Variants in XPA observed in about 807,000 individuals in gnomAD.
The protein encoded by XPA is XPA, DNA damage recognition and repair factor, also known as DNA repair protein complementing XP-A cells.
A neutral mutation model predicts 35.7 loss-of-function variants in XPA; 27 were observed. The observed-to-expected ratio is 0.76, with a 90% CI of 0.56 to 1.04. The LOEUF (loss-of-function observed/expected upper bound fraction) is 1.04, where lower values mean the gene tolerates loss of function less well. Ranked by LOEUF, XPA falls within the 50% of genes least tolerant of loss-of-function variation. The pLI is 0.00. For synonymous variants in XPA, 133 were observed against 118.4 expected (o/e 1.12, Z -0.80); for missense variants, 354 against 342.7 (o/e 1.03, Z -0.26).
the XPA span, among the ~76,000 whole-genome samples, chr9:97,663,944 C>T: frequency 4.0e-5 from 6 of 151,294 alleles, no homozygotes; most frequent in African/African-American, 9.7e-5. Context: ...TTTGGGAGGC[C>T]GAGATGGATG....
chr9:97,687,468 G>A (rs1207583159), intron 3 of XPA, among the ~76,000 whole-genome samples: 3 of 152,092 alleles, frequency 2.0e-5, no homozygotes, highest in Admixed American at 6.5e-5. Context: ...ATTATCTAGA[G>A]AAAAAAACAT....
the XPA span, chr9:97,666,898 TAAGTAGTTAAAGAAA>T: frequency 2.0e-6 from 3 of 1,475,670 alleles, no homozygotes; most frequent in African/African-American, 4.3e-5. Flanking sequence ...TGTAAACTTG[TAAGTAGTTAAAGAAA>T]ATATACCAGA....
At chr9:97,678,314 T>C (rs1828429926) in intron 5 of XPA, among the ~76,000 whole-genome samples, 1 of 152,078 alleles carries the variant, frequency 6.6e-6, no homozygotes, top group South Asian at 2.1e-4. Context: ...GACAGGAGAA[T>C]CGCATGAACC....
chr9:97,695,493 A>C (rs573177722), intron 1 of XPA, among the ~76,000 whole-genome samples: 23 of 152,350 alleles, frequency 1.5e-4, no homozygotes, highest in Non-Finnish European at 3.1e-4. Context: ...TATAAATAGC[A>C]AAGTAAATGA....
At chr9:97,669,916 C>T (rs1377917788), downstream of XPA, 4 of 585,316 alleles carry the variant, frequency 6.8e-6, no homozygotes, top group African/African-American at 2.1e-5. Flanking sequence ...ACCCCCCCAA[C>T]AACCCCCCGC....
In XPA at chr9:97,684,949, T is replaced by C; in HGVS notation, c.647A>G (p.Gln216Arg). 6.2e-7 allele frequency: 1 copy of C among 1,613,636 alleles called. No individual in the cohort carries two copies. Among genetic ancestry groups the C allele is most frequent in the South Asian group, 1.1e-5 (1 of 91,066 alleles). Reference sequence around the variant, plus strand: ...TTTTACTTTTTTATCAAATTTCTTCTGTTTCATTTTTTCTCGGTTTTCCTG... The same window carrying C: ...TTTTACTTTTTTATCAAATTTCTTCCGTTTCATTTTTTCTCGGTTTTCCTG... ...VRQENREKMKQKKFDKKVKEL... is the reference protein window; with the variant it reads ...VRQENREKMKRKKFDKKVKEL... Residue 216 changes from glutamine (Q) to arginine (R), a missense_variant, in exon 5 of 6, where the codon CAG becomes CGG. Physicochemically the swap from Gln to Arg is conservative, Grantham distance 43. Transcript: ENST00000375128.
intron 1 of XPA, 64 bp from the exon 2 acceptor site, chr9:97,693,823 T>C: frequency 6.8e-7 from 1 of 1,468,140 alleles, no homozygotes; most frequent in Non-Finnish European, 9.5e-7. Context: ...ACCTTGTTCA[T>C]AAATAGAAAA....
At chr9:97,678,648 T>A (rs1429566851) in intron 5 of XPA, among the ~76,000 whole-genome samples, 3 of 152,234 alleles carry the variant, frequency 2.0e-5, no homozygotes. Context: ...ACAGTTCTTA[T>A]AACCATCATA....
chr9:97,696,430 C>G (rs1829044547), intron 1 of XPA, among the ~76,000 whole-genome samples: 1 of 152,154 alleles, frequency 6.6e-6, no homozygotes, highest in South Asian at 2.1e-4. Flanking sequence ...ACGTTTTGAG[C>G]AACTAGTTTT....
chr9:97,675,879 GTGAGT>G (rs1828349294), intron 5 of XPA: 1 of 454,720 alleles, frequency 2.2e-6, no homozygotes, highest in African/African-American at 2.0e-5. Context: ...ATATTCAGAA[GTGAGT>G]TGAGTAACAC....
At chr9:97,671,039 T>TTA, downstream of XPA, 2 of 1,276,660 alleles carry the variant, frequency 1.6e-6, no homozygotes, top group Non-Finnish European at 2.3e-6. Flanking sequence ...ACAAGATTGC[T>TTA]TATATGCTTT....
chr9:97,668,710 CGGGGTGGG>C, the XPA span: 395 of 878,084 alleles, frequency 4.5e-4, no homozygotes, highest in Non-Finnish European at 5.8e-4. Flanking sequence ...GTGTGGGTGG[CGGGGTGGG>C]GGGGTACTTT....
the XPA span, among the ~76,000 whole-genome samples, chr9:97,654,564 T>TAA: frequency 9.1e-3 from 1,285 of 140,902 alleles, 18 homozygotes; most frequent in African/African-American, 0.031. Flanking sequence ...AACCTTCAGT[T>TAA]AAAAAAAAAA....
intron 1 of XPA, among the ~76,000 whole-genome samples, chr9:97,695,448 T>C (rs1288435235): frequency 6.6e-6 from 1 of 152,182 alleles, no homozygotes; most frequent in East Asian, 1.9e-4. Flanking sequence ...ACCAACTGGA[T>C]GGATAGAAAT....
In XPA at chr9:97,696,872, A is replaced by G. The variant is rs563193175; in HGVS notation, c.172+249T>C. The stretch of plus-strand genomic sequence containing the variant: ...TCGAAGCTGCCAGCAGCCGAGGTGC[A>G]GCGAAGAAGGCCCGGGGCTGGGGGT... On this transcript the variant is annotated intron_variant, in intron 1 of 5. Coordinates refer to ENST00000375128, the MANE Select transcript of XPA (RefSeq NM_000380.4). Among the ~76,000 whole-genome samples, 23 of 152,322 alleles carry G rather than the reference A, an allele frequency of 1.5e-4. No homozygotes were observed. In the East Asian group the frequency reaches 3.9e-3, roughly 26 times the overall value.
intron 2 of XPA, among the ~76,000 whole-genome samples, chr9:97,690,758 G>A (rs983783440): frequency 1.3e-5 from 2 of 152,106 alleles, no homozygotes; most frequent in Non-Finnish European, 2.9e-5. Flanking sequence ...CCTGACCGCA[G>A]GTGATCCACC....
At chr9:97,674,776 G>A (rs3176757), downstream of XPA, 76,880 of 379,068 alleles carry the variant, frequency 0.2, 8,981 homozygotes, top group South Asian at 0.35. Flanking sequence ...ATAAACATCA[G>A]TGCCTTCTTT....
At chr9:97,662,202 G>C in the XPA span, 1 of 1,231,142 alleles carries the variant, frequency 8.1e-7, no homozygotes, top group Non-Finnish European at 1.2e-6. Flanking sequence ...GTGAACACCA[G>C]TGGTATGGTA....
At chr9:97,664,366 G>T in the XPA span, 2 of 1,612,252 alleles carry the variant, frequency 1.2e-6, no homozygotes, top group South Asian at 2.2e-5. Context: ...TGGATAAGAT[G>T]ATTCGTACAC....
Sources: gnomAD v4.1 joint callset for allele counts (sites outside exome capture counted in the v4.1 genomes callset) on GRCh38, gnomAD v4.1.1 for gene constraint, MANE v1.5 for transcripts, NCBI Gene and HGNC (gene_info 2026-07-23, HGNC 2026-07-21) for gene names.